Variants in RNF123 observed in about 807,000 individuals in gnomAD.
RNF123 encodes the protein ring finger protein 123.
Under a neutral mutation model 168.5 loss-of-function variants are expected in RNF123, and 86 were observed. That is an observed-to-expected ratio of 0.51 (90% CI 0.43 to 0.61). The LOEUF is 0.61. Ranked by LOEUF, RNF123 falls within the 20% of genes least tolerant of loss-of-function variation. RNF123 has a pLI of 0.00. For missense variants in RNF123, 1,419 were observed against 1,729.7 expected, an observed-to-expected ratio of 0.82 and a Z score of 3.19; for synonymous variants, 666 against 689.1, an observed-to-expected ratio of 0.97 and a Z score of 0.52.
intron 19 of RNF123, 21 bp downstream of exon 19, chr3:49,702,426 C>G (rs771227724): frequency 3.1e-6 from 5 of 1,613,182 alleles, no homozygotes; most frequent in Admixed American, 3.3e-5. Flanking sequence ...TCCAGGCCAG[C>G]CCACTGTGGA....
chr3:49,713,253 G>A (rs1391355935), intron 27 of RNF123: 2 of 593,556 alleles, frequency 3.4e-6, no homozygotes, highest in Middle Eastern at 4.5e-4. Flanking sequence ...CTGCTCATCA[G>A]GTGTGTGTGC....
Position 49,702,321 on chromosome 3 carries a change from C to T in RNF123, c.1558-13C>T. The T allele has an allele frequency of 6.2e-7, 1 of 1,614,030 alleles. No homozygotes were observed. Among genetic ancestry groups the T allele is most frequent in the South Asian group, 1.1e-5 (1 of 91,084 alleles). ...CTCAGCTCAGCACAGCCTCACTTTT[C>T]CCTCTCTCAAAGGGTGAAGCTTCTA... On this transcript the variant is annotated splice_polypyrimidine_tract_variant and intron_variant, in intron 18 of 38. Coordinates refer to ENST00000327697, the MANE Select transcript of RNF123 (RefSeq NM_022064.5).
chr3:49,716,461 C>T lies in RNF123; in HGVS notation c.3484C>T (p.Arg1162Cys), dbSNP rs371924160. Residue 1162 changes from arginine (R) to cysteine (C), a missense_variant, in exon 35 of 39, where the codon CGT becomes TGT. Transcript: ENST00000327697. The part of the protein sequence containing the change: ...VTGILVQLLV[R>C]GPASEREQAT... ...GGGCATCCTGGTGCAGCTCCTGGTG[C>T]GTGGCCCAGCCTCAGAGTGAGTGTT... 2.1e-5 allele frequency: 34 copies of T among 1,613,974 alleles called. No individual in the cohort carries two copies. Among genetic ancestry groups the T allele is most frequent in the South Asian group, 5.5e-5 (5 of 91,082 alleles).
chr3:49,705,394 ACCCCCATG>A, intron 23 of RNF123, 132 bp from the exon 24 acceptor site: 1 of 1,298,772 alleles, frequency 7.7e-7, no homozygotes, highest in Non-Finnish European at 1.0e-6. Context: ...CTCCACCCCT[ACCCCCATG>A]CCCCCATGGG....
chr3:49,702,788 G>A, intron 20 of RNF123, 35 bp downstream of exon 20: 1 of 1,613,476 alleles, frequency 6.2e-7, no homozygotes, highest in East Asian at 2.2e-5. Flanking sequence ...CAGTGAGGCT[G>A]GACAGAGCCA....
At chr3:49,702,241 TG>T in intron 18 of RNF123, 92 bp from the exon 19 acceptor site, 2 of 1,584,288 alleles carry the variant, frequency 1.3e-6, no homozygotes, top group Non-Finnish European at 1.7e-6. Context: ...TTGGTTCCCA[TG>T]GCAGGGGCTG....
intron 35 of RNF123, chr3:49,718,204 T>TGGGGCCA: frequency 1.9e-6 from 3 of 1,611,488 alleles, no homozygotes; most frequent in Non-Finnish European, 2.5e-6. Flanking sequence ...GCTGGGTGTT[T>TGGGGCCA]GGGGCCAGCG....
intron 35 of RNF123, chr3:49,719,393 C>T (rs1362381902): frequency 6.2e-7 from 1 of 1,613,632 alleles, no homozygotes; most frequent in Non-Finnish European, 8.5e-7. Context: ...GGCGGGAAAC[C>T]CTCGGAGTCC....
intron 3 of RNF123, 64 bp downstream of exon 3, chr3:49,691,573 T>C (rs907510737): frequency 1.1e-4 from 147 of 1,361,834 alleles, no homozygotes; most frequent in Non-Finnish European, 1.4e-4. Flanking sequence ...GAGGCTGCAG[T>C]TGTAGGGAAA....
intron 31 of RNF123, 68 bp from the exon 32 acceptor site, chr3:49,715,507 A>G (rs2080222805): frequency 1.1e-5 from 17 of 1,595,404 alleles, no homozygotes; most frequent in Non-Finnish European, 1.5e-5. Context: ...ATGGGCGAGG[A>G]CAGAGGCAAA....
chr3:49,716,598 T>C, intron 35 of RNF123, 121 bp downstream of exon 35: 1 of 866,676 alleles, frequency 1.2e-6, no homozygotes, highest in Non-Finnish European at 1.9e-6. Flanking sequence ...CATCAGGTTT[T>C]GAGGCAGAGG....
In RNF123 at chr3:49,702,316, C is replaced by T; in HGVS notation, c.1558-18C>T. 6.2e-7 allele frequency: 1 copy of T among 1,613,920 alleles called. No homozygotes were observed. Among genetic ancestry groups the T allele is most frequent in the Non-Finnish European group, 8.5e-7 (1 of 1,179,756 alleles). ...GCATTCTCAGCTCAGCACAGCCTCA[C>T]TTTTCCCTCTCTCAAAGGGTGAAGC... is the stretch of plus-strand genomic sequence containing the variant. On this transcript the variant is annotated intron_variant, in intron 18 of 38. Transcript: ENST00000327697.
At chr3:49,720,483 G>A in intron 35 of RNF123, 28 bp from the exon 36 acceptor site, 1 of 1,519,834 alleles carries the variant, frequency 6.6e-7, no homozygotes, top group Non-Finnish European at 8.8e-7. Flanking sequence ...CAAGCCTTCT[G>A]ACTGCCCTTG....
chr3:49,711,762 G>A (rs1390416817), intron 26 of RNF123, among the ~76,000 whole-genome samples: 5 of 152,136 alleles, frequency 3.3e-5, no homozygotes, highest in Admixed American at 3.3e-4. Context: ...AAACCACATT[G>A]TGGGGAGCAG....
Position 49,713,576 on chromosome 3 carries a change from T to C in RNF123, c.2738T>C (p.Ile913Thr). 1 of 1,612,374 alleles carries C rather than the reference T, an allele frequency of 6.2e-7. No individual in the cohort carries two copies. Among genetic ancestry groups the C allele is most frequent in the South Asian group, 1.1e-5 (1 of 90,616 alleles). The stretch of plus-strand genomic sequence containing the variant: ...GCCAAACACTTTGCCGACGCACGCA[T>C]TGTGGGCACTGGTGAGGGGCCCCTA... ...ILAKHFADARIVGTDIRDSLM... is the reference protein window; with the variant it reads ...ILAKHFADARTVGTDIRDSLM... The change falls in exon 28 of 39, where the codon ATT becomes ACT. Residue 913 changes from isoleucine to threonine, a missense_variant. Around this residue, in one of 5 missense-constraint regions of RNF123, gnomAD observed 538 missense variants for 708.8 expected, o/e 0.76. Transcript: ENST00000327697.
chr3:49,691,315 G>A, intron 2 of RNF123, 68 bp downstream of exon 2: 1 of 1,589,074 alleles, frequency 6.3e-7, no homozygotes, highest in South Asian at 1.1e-5. Flanking sequence ...AAAGGCCTCA[G>A]GCCTTGCTGC....
chr3:49,719,795 C>A (rs948632841), intron 35 of RNF123: 7 of 274,392 alleles, frequency 2.6e-5, no homozygotes, highest in Non-Finnish European at 3.7e-5. Flanking sequence ...TGCCCAATGG[C>A]CCCGCATGAC....
chr3:49,721,188 C>T lies in RNF123; in HGVS notation c.3828C>T (p.Ala1276=). The change falls in exon 39 of 39, where the codon GCC becomes GCT. Residue 1276 remains alanine, a synonymous_variant. Coordinates refer to ENST00000327697, the MANE Select transcript of RNF123 (RefSeq NM_022064.5). ...CTCATCCCCTCCCCTGTTGTAGAGC[C>T]TGTATCAACCAGCACCTGATGAACA... The part of the protein sequence containing the change: ...FQPCGHKSCK[A]CINQHLMNNK... 6.2e-7 allele frequency: 1 copy of T among 1,614,226 alleles called. No individual in the cohort carries two copies. The highest frequency in any genetic ancestry group is 1.1e-5 in the South Asian group (1 of 91,084).
rs909447554 is a variant in RNF123, at chr3:49,699,627, C to T, written c.880-41C>T. Reference sequence around the variant, plus strand: ...AGGCGGGGTGGGGGGCTTCCACAGCCTCCTGCCCCTCACACTTCTCCCTCC... The same window carrying T: ...AGGCGGGGTGGGGGGCTTCCACAGCTTCCTGCCCCTCACACTTCTCCCTCC... On this transcript the variant is annotated intron_variant, in intron 11 of 38. Transcript: ENST00000327697. This position sits in a 1 kb window ranked among gnomAD's most constrained non-coding sequence, Gnocchi z 4.8. 4.3e-6 allele frequency: 7 copies of T among 1,612,018 alleles called. No homozygotes were observed. Among genetic ancestry groups the T allele is most frequent in the Non-Finnish European group, 5.1e-6 (6 of 1,178,422 alleles).
Sources: allele counts gnomAD v4.1 joint callset (sites outside exome capture counted in the v4.1 genomes callset), GRCh38; gene constraint gnomAD v4.1.1; regional missense constraint gnomAD v4.1.1; non-coding constraint Gnocchi (gnomAD v3.1); transcripts MANE v1.5; gene names NCBI Gene and HGNC (gene_info 2026-07-23, HGNC 2026-07-21).